The following OPN3 variants were observed in gnomAD, a reference collection of about 807,000 sequenced individuals.
OPN3 encodes opsin 3, also known as opsin-3.
OPN3 carries 29 observed loss-of-function variants against 33.8 expected under a neutral mutation model. The observed-to-expected ratio is 0.86, with a 90% CI of 0.64 to 1.17. The LOEUF (loss-of-function observed/expected upper bound fraction) is 1.17, where lower values mean the gene tolerates loss of function less well. Ranked by LOEUF, OPN3 falls within the 50% of genes most tolerant of loss-of-function variation. The pLI is 0.00. For synonymous variants in OPN3, 216 were observed against 216.1 expected (o/e 1.00, Z 0.00); for missense variants, 437 against 514.1 (o/e 0.85, Z 1.45).
chr1:241,610,817 A>AT (rs762621171), intron 1 of OPN3, among the ~76,000 whole-genome samples: 297 of 151,968 alleles, frequency 2.0e-3, no homozygotes, highest in Admixed American at 4.7e-3. Flanking sequence ...GATCAATTTC[A>AT]TTTTTTTTCA....
At chr1:241,607,678 AAG>A (rs1161667545) in intron 1 of OPN3, among the ~76,000 whole-genome samples, 25 of 149,574 alleles carry the variant, frequency 1.7e-4, no homozygotes, top group Admixed American at 4.0e-4. Context: ...AAAAGGAAGA[AAG>A]AGAGAAAGGA....
At chr1:241,636,988 A>C (rs537645783) in intron 1 of OPN3, among the ~76,000 whole-genome samples, 1 of 152,286 alleles carries the variant, frequency 6.6e-6, no homozygotes, top group African/African-American at 2.4e-5. Context: ...TCTCCTGTTA[A>C]CTTTGAGCAT....
At chr1:241,599,849 G>A (rs1369934903) in intron 2 of OPN3, among the ~76,000 whole-genome samples, 1 of 152,108 alleles carries the variant, frequency 6.6e-6, no homozygotes, top group Non-Finnish European at 1.5e-5. Flanking sequence ...ATTTCCACAC[G>A]TATGACTTTG....
At chr1:241,628,500 ACCAGG>A (rs1338064416) in intron 1 of OPN3, among the ~76,000 whole-genome samples, 2 of 152,104 alleles carry the variant, frequency 1.3e-5, no homozygotes, top group African/African-American at 4.8e-5. Context: ...CTCTCTGCAA[ACCAGG>A]TTCGGTCACA....
At position 241,597,009 on chromosome 1, in the gene OPN3, T is replaced by TGA. The variant is rs1558436534; in HGVS notation, c.945+735_945+736dup. Among the ~76,000 whole-genome samples the TGA allele has an allele frequency of 6.0e-5, 9 of 150,930 alleles. 1 individual carries two copies. The South Asian group carries it at 8.5e-4, about 14-fold the overall frequency. ...CAGCTAATTTTTTCTTTTTTTTTTT[T>TGA]GAGAGAGCGGGGCATCTCATTATGT... On this transcript the variant is annotated intron_variant, in intron 3 of 3. Coordinates refer to ENST00000366554, the MANE Select transcript of OPN3 (RefSeq NM_014322.3).
At chr1:241,633,993 G>C in intron 1 of OPN3, 1 of 1,613,928 alleles carries the variant, frequency 6.2e-7, no homozygotes, top group African/African-American at 1.3e-5. Context: ...GTTTCAGCTT[G>C]CTTGACAGCA....
At chr1:241,599,997 G>A (rs1419974192) in intron 2 of OPN3, among the ~76,000 whole-genome samples, 1 of 152,124 alleles carries the variant, frequency 6.6e-6, no homozygotes, top group African/African-American at 2.4e-5. Flanking sequence ...CAATTAACAA[G>A]CAACATAACC....
chr1:241,621,476 T>G (rs968530915), intron 1 of OPN3, among the ~76,000 whole-genome samples: 7 of 152,170 alleles, frequency 4.6e-5, no homozygotes, highest in Non-Finnish European at 1.0e-4. Context: ...TTTTGCAACC[T>G]CACCTTGGGA....
intron 1 of OPN3, among the ~76,000 whole-genome samples, chr1:241,616,712 T>C (rs1409095994): frequency 6.6e-6 from 1 of 152,212 alleles, no homozygotes; most frequent in African/African-American, 2.4e-5. Flanking sequence ...TGGTCATCCC[T>C]GTAATTAACC....
intron 1 of OPN3, chr1:241,615,824 G>C: frequency 2.2e-6 from 1 of 456,330 alleles, no homozygotes; most frequent in Non-Finnish European, 4.4e-6. Context: ...CAAAGCTTCA[G>C]CTGCTGCCAC....
chr1:241,609,854 G>A (rs1573955861), intron 1 of OPN3, among the ~76,000 whole-genome samples: 1 of 152,298 alleles, frequency 6.6e-6, no homozygotes, highest in Non-Finnish European at 1.5e-5. Context: ...AGGTGGGAAG[G>A]TCAGTCACTA....
intron 1 of OPN3, chr1:241,633,770 A>C: frequency 1.2e-6 from 2 of 1,610,762 alleles, no homozygotes; most frequent in Non-Finnish European, 1.7e-6. Flanking sequence ...AGGAGGTCCA[A>C]AACAGCATTT....
intron 1 of OPN3, chr1:241,633,515 AC>A (rs1664729299): frequency 2.9e-6 from 1 of 339,194 alleles, no homozygotes; most frequent in Non-Finnish European, 5.3e-6. Context: ...CTAATATGGA[AC>A]CCTTACATAT....
intron 1 of OPN3, among the ~76,000 whole-genome samples, chr1:241,623,374 C>T (rs1573961908): frequency 6.6e-6 from 1 of 152,216 alleles, no homozygotes; most frequent in Non-Finnish European, 1.5e-5. Flanking sequence ...GTTTTAATAG[C>T]TTTCTGTCTG....
intron 1 of OPN3, among the ~76,000 whole-genome samples, chr1:241,625,858 T>C (rs1664407494): frequency 6.6e-6 from 1 of 152,184 alleles, no homozygotes; most frequent in Non-Finnish European, 1.5e-5. Context: ...AATTCTTTGT[T>C]ATGAGGGAGC....
chr1:241,615,851 T>C (rs566961083), intron 1 of OPN3: 4 of 456,642 alleles, frequency 8.8e-6, no homozygotes, highest in African/African-American at 4.0e-5. Flanking sequence ...CACCATTGCA[T>C]ACCTGCATGC....
At chr1:241,639,698 C>A (rs1195552326) in intron 1 of OPN3, among the ~76,000 whole-genome samples, 184 bp downstream of exon 1, 1 of 151,092 alleles carries the variant, frequency 6.6e-6, no homozygotes, top group Non-Finnish European at 1.5e-5. Flanking sequence ...AAGGCACCCG[C>A]CATGCGGCTG....
chr1:241,634,893 C>G (rs375033553), intron 1 of OPN3: 2 of 1,610,450 alleles, frequency 1.2e-6, no homozygotes, highest in African/African-American at 1.3e-5. Context: ...CTCTTTTCAA[C>G]CATGGTGAGT....
At position 241,611,851 on chromosome 1, in the gene OPN3, C is replaced by T. The variant is rs553563519; in HGVS notation, c.374-7272G>A. Among the ~76,000 whole-genome samples, 4 of 152,186 alleles carry T rather than the reference C, an allele frequency of 2.6e-5. No individual in the cohort carries two copies. In the South Asian group the frequency reaches 8.3e-4, roughly 32 times the overall value. On this transcript the variant is annotated intron_variant, in intron 1 of 3. Coordinates refer to ENST00000366554, the MANE Select transcript of OPN3 (RefSeq NM_014322.3). ...CCTTATGGGAAGTTCCCTTGGGCTG[C>T]AATGAGGAAAATGGATTGTGAGCCA...
Sources: allele counts gnomAD v4.1 joint callset (sites outside exome capture counted in the v4.1 genomes callset), GRCh38; gene constraint gnomAD v4.1.1; transcripts MANE v1.5; gene names NCBI Gene and HGNC (gene_info 2026-07-23, HGNC 2026-07-21).